The following SPOPL variants were observed in gnomAD, a reference collection of about 807,000 sequenced individuals.
SPOPL encodes speckle type BTB/POZ protein like.
SPOPL carries 23 observed loss-of-function variants against 53.8 expected under a neutral mutation model. That is an observed-to-expected ratio of 0.43 (90% CI 0.31 to 0.61). The LOEUF (loss-of-function observed/expected upper bound fraction) is 0.61. SPOPL is among the 20% of genes least tolerant of loss of function. The pLI is 0.12. For synonymous variants in SPOPL, 164 were observed against 149.7 expected (o/e 1.10, Z -0.70); for missense variants, 442 against 466.9 (o/e 0.95, Z 0.49).
chr2:138,567,359 GAA>G (rs1178462972), intron 10 of SPOPL, among the ~76,000 whole-genome samples: 1 of 147,434 alleles, frequency 6.8e-6, no homozygotes, highest in African/African-American at 2.5e-5. Context: ...TTAACAATGA[GAA>G]AGAGCAGTAT....
intron 5 of SPOPL, chr2:138,554,554 A>G: frequency 7.9e-7 from 1 of 1,262,416 alleles, no homozygotes; most frequent in African/African-American, 1.5e-5. Context: ...GTTGGGTGCT[A>G]CCCTTTTTGC....
At chr2:138,523,814 G>A (rs532321166) in intron 1 of SPOPL, among the ~76,000 whole-genome samples, 1 of 152,340 alleles carries the variant, frequency 6.6e-6, no homozygotes, top group South Asian at 2.1e-4. Flanking sequence ...TTCTGCCCCT[G>A]TGGTTTTGCA....
intron 1 of SPOPL, among the ~76,000 whole-genome samples, chr2:138,506,191 A>G (rs1274613492): frequency 1.3e-5 from 2 of 152,224 alleles, no homozygotes; most frequent in African/African-American, 2.4e-5. Flanking sequence ...CAGGGAGACT[A>G]ATTAAGTCAT....
chr2:138,529,892 G>A (rs1382164828), intron 1 of SPOPL, among the ~76,000 whole-genome samples: 1 of 152,148 alleles, frequency 6.6e-6, no homozygotes, highest in Non-Finnish European at 1.5e-5. Flanking sequence ...ATGAGGGTTT[G>A]TTGTACAGAT....
At chr2:138,512,646 C>A (rs887483461) in intron 1 of SPOPL, among the ~76,000 whole-genome samples, 1 of 151,936 alleles carries the variant, frequency 6.6e-6, no homozygotes, top group Non-Finnish European at 1.5e-5. Flanking sequence ...TTTTCGTATA[C>A]CCTGATAACA....
chr2:138,561,299 A>G (rs1296808657), intron 8 of SPOPL, among the ~76,000 whole-genome samples: 1 of 152,218 alleles, frequency 6.6e-6, no homozygotes, highest in African/African-American at 2.4e-5. Context: ...GATATTATGT[A>G]ACTTAATTCT....
intron 8 of SPOPL, among the ~76,000 whole-genome samples, chr2:138,563,493 ATACTCAAC>A (rs1382941364): frequency 6.6e-6 from 1 of 152,160 alleles, no homozygotes; most frequent in Admixed American, 6.5e-5. Context: ...AAAATGAAAG[ATACTCAAC>A]ATCATTAGGT....
At chr2:138,518,333 G>A (rs778986849) in intron 1 of SPOPL, among the ~76,000 whole-genome samples, 1 of 152,116 alleles carries the variant, frequency 6.6e-6, no homozygotes, top group Non-Finnish European at 1.5e-5. Flanking sequence ...GTTAATATTA[G>A]TAGATCCAGA....
At chr2:138,554,099 AGT>A (rs1455204140) in intron 5 of SPOPL, among the ~76,000 whole-genome samples, 1 of 134,956 alleles carries the variant, frequency 7.4e-6, no homozygotes, top group Non-Finnish European at 1.6e-5. Context: ...GAATTGAAAT[AGT>A]GTTTGCAGAT....
intron 1 of SPOPL, among the ~76,000 whole-genome samples, chr2:138,510,296 A>G (rs1250971669): frequency 6.6e-6 from 1 of 152,172 alleles, no homozygotes; most frequent in Non-Finnish European, 1.5e-5. Context: ...AAACCACCCA[A>G]CTGTCTTTCA....
At chr2:138,542,138 G>A (rs1685085750) in intron 1 of SPOPL, among the ~76,000 whole-genome samples, 1 of 152,162 alleles carries the variant, frequency 6.6e-6, no homozygotes, top group African/African-American at 2.4e-5. Flanking sequence ...ATATGCTGAA[G>A]AGTGCTTTAC....
At chr2:138,510,329 T>C (rs1573865817) in intron 1 of SPOPL, among the ~76,000 whole-genome samples, 1 of 152,364 alleles carries the variant, frequency 6.6e-6, no homozygotes, top group East Asian at 1.9e-4. Flanking sequence ...CATTTTACAT[T>C]CGCATCAGCG....
chr2:138,543,786 G>A (rs10177004), intron 1 of SPOPL, among the ~76,000 whole-genome samples: 163 of 152,244 alleles, frequency 1.1e-3, no homozygotes, highest in African/African-American at 3.7e-3. Context: ...GAGGAGCTGC[G>A]TTCCTTTGGA....
Position 138,552,616 on chromosome 2 carries a change from A to G in SPOPL, c.415A>G (p.Arg139Gly), listed in dbSNP as rs748131330. 1 of 1,613,288 alleles carries G rather than the reference A, an allele frequency of 6.2e-7. No individual in the cohort carries two copies. Among genetic ancestry groups the G allele is most frequent in the Admixed American group, 1.7e-5 (1 of 59,984 alleles). Residue 139 changes from arginine to glycine, a missense_variant, in exon 5 of 11, where the codon AGG becomes GGG. Arg to Gly is a moderately radical substitution (Grantham distance 125). Coordinates refer to ENST00000280098, the MANE Select transcript of SPOPL (RefSeq NM_001001664.3). ...KDWGFKKFIR[R>G]DFLLDEANGL... Reference sequence around the variant, plus strand: ...CTGGGGTTTTAAAAAATTCATTAGAAGGGACTTTTTGCTTGATGAAGCTAA... The same window carrying G: ...CTGGGGTTTTAAAAAATTCATTAGAGGGGACTTTTTGCTTGATGAAGCTAA...
chr2:138,541,746 C>T (rs182949126), intron 1 of SPOPL, among the ~76,000 whole-genome samples: 168 of 152,238 alleles, frequency 1.1e-3, no homozygotes, highest in Middle Eastern at 6.8e-3. Context: ...TTCAGTTCTG[C>T]TCTGATCTTA....
intron 1 of SPOPL, among the ~76,000 whole-genome samples, chr2:138,515,966 CTCA>C (rs1028975247): frequency 1.1e-4 from 16 of 152,070 alleles, no homozygotes; most frequent in African/African-American, 3.9e-4. Flanking sequence ...GAATTATTAG[CTCA>C]TCATCAGAAG....
intron 1 of SPOPL, among the ~76,000 whole-genome samples, chr2:138,521,157 G>A (rs941218052): frequency 2.6e-5 from 4 of 152,224 alleles, no homozygotes; most frequent in African/African-American, 9.6e-5. Context: ...TAATTGCAGT[G>A]TGAGGAAATT....
intron 1 of SPOPL, among the ~76,000 whole-genome samples, chr2:138,520,843 G>T (rs1259558962): frequency 6.6e-6 from 1 of 152,060 alleles, no homozygotes; most frequent in African/African-American, 2.4e-5. Context: ...TCTTATAACT[G>T]TAGTTATAAA....
rs1685613515 is a variant in SPOPL, at chr2:138,564,340, GAATT to G, written c.838-367_838-364del. On this transcript the variant is annotated intron_variant, in intron 8 of 10. Transcript: ENST00000280098. ...AATACGATTTATTTAACGTTACAAT[GAATT>G]CATCCTTCAATACTGAGTGGTGGCA... 3.8e-5 allele frequency: 7 copies of G among 183,258 alleles called. No homozygotes were observed. The South Asian group carries it at 9.2e-4, about 24-fold the overall frequency. The allele number at this position is 183,258 out of a possible 1,614,324, so 11.4% of individuals were successfully genotyped here.
Sources: allele counts gnomAD v4.1 joint callset (sites outside exome capture counted in the v4.1 genomes callset), GRCh38; gene constraint gnomAD v4.1.1; transcripts MANE v1.5; gene names NCBI Gene and HGNC (gene_info 2026-07-23, HGNC 2026-07-21).